C19orf25: variants seen among roughly 807,000 people sequenced by gnomAD.
C19orf25 encodes the protein chromosome 19 open reading frame 25.
In C19orf25, 1 loss-of-function variant was observed where a neutral mutation model predicts 3.1. The observed-to-expected ratio is 0.32, with a 90% CI of 0.12 to 1.54. The LOEUF is 1.54. C19orf25 is among the 40% of genes most tolerant of loss of function. The probability of loss-of-function intolerance (pLI) is 0.38; values close to 1 mark genes in which losing one functional copy is unlikely to be tolerated. For missense variants in C19orf25, 196 were observed against 160.4 expected (o/e 1.22, Z -1.20); for synonymous variants, 91 against 74.3 (o/e 1.23, Z -1.16).
intron 1 of C19orf25, 107 bp downstream of exon 1, chr19:1,479,056 C>T (rs974432171): frequency 7.6e-6 from 10 of 1,312,120 alleles, no homozygotes; most frequent in Non-Finnish European, 9.9e-6. Flanking sequence ...TCGCCCCAGG[C>T]CCTGACCCTC....
rs1568192724 is a variant in C19orf25 at position 1,475,215 on chromosome 19, CG to C, written c.173del (p.Pro58ArgfsTer26). ...PFRMMEDAEA[P>X]GEQLYQQSRA... ...GGCTTTGCTGGTAGAGCTGCTCTCC[CG>C]GGGCCTCCGCATCCTCCATCATCCT... On this transcript the variant is annotated frameshift_variant, in exon 3 of 3. Coordinates refer to ENST00000585675, the MANE Select transcript of C19orf25 (RefSeq NM_152482.3). LOFTEE classifies it low-confidence loss of function (END_TRUNC). The C allele has an allele frequency of 6.4e-7, 1 of 1,562,438 alleles. No homozygotes were observed. The highest frequency in any genetic ancestry group is 8.7e-7 in the Non-Finnish European group (1 of 1,154,366).
chr19:1,476,422 T>C (rs929122947), intron 2 of C19orf25: 16 of 396,660 alleles, frequency 4.0e-5, no homozygotes, highest in East Asian at 2.9e-4. Context: ...TCAACGGCCA[T>C]GGACCTGAGC....
intron 2 of C19orf25, chr19:1,476,315 G>C (rs1487812111): frequency 2.5e-6 from 1 of 398,638 alleles, no homozygotes. Flanking sequence ...AACAGGGTGG[G>C]AAAGGCCGGG....
chr19:1,477,042 C>T (rs2084212504), intron 2 of C19orf25, among the ~76,000 whole-genome samples: 1 of 151,208 alleles, frequency 6.6e-6, no homozygotes, highest in South Asian at 2.1e-4. Context: ...CTCTGTCACC[C>T]AGGCTGGAGT....
At chr19:1,475,380 C>G (rs2145286403) in intron 2 of C19orf25, 122 bp from the exon 3 acceptor site, 1 of 1,008,728 alleles carries the variant, frequency 9.9e-7, no homozygotes, top group African/African-American at 1.6e-5. Context: ...CAGCCGGGGT[C>G]TTCTTAACAT....
chr19:1,477,771 A>C (rs912672133), intron 2 of C19orf25, among the ~76,000 whole-genome samples: 1 of 152,334 alleles, frequency 6.6e-6, no homozygotes, highest in African/African-American at 2.4e-5. Context: ...CCTTAAAAAA[A>C]CAGCCAGGGG....
intron 2 of C19orf25, chr19:1,478,429 G>C (rs1265053213): frequency 9.9e-6 from 5 of 504,710 alleles, no homozygotes; most frequent in South Asian, 1.3e-4. Flanking sequence ...TTTTGTTTTT[G>C]TTTTTGTTTT....
rs555102954 is a variant in C19orf25, at chr19:1,474,755, C to T, written c.*277G>A. ...GCAGAGCACGGCCACTGTGAGCTGA[C>T]GACAGAATCACAGTACAGCAATAAT... On this transcript the variant is annotated 3_prime_UTR_variant, in exon 3 of 3. Transcript: ENST00000585675. 27 of 1,413,892 alleles carry T rather than the reference C, an allele frequency of 1.9e-5. No homozygotes were observed. The highest frequency in any genetic ancestry group is 2.9e-5 in the African/African-American group (2 of 69,230). 87.6% of individuals were successfully genotyped at this position (1,413,892 alleles called of 1,614,324 possible).
At chr19:1,475,395 G>T in intron 2 of C19orf25, 137 bp from the exon 3 acceptor site, 1 of 852,160 alleles carries the variant, frequency 1.2e-6, no homozygotes, top group Admixed American at 2.9e-5. Context: ...TAACATGACG[G>T]ATGCAGCCAG....
chr19:1,475,556 G>A (rs1397096488), intron 2 of C19orf25: 5 of 374,604 alleles, frequency 1.3e-5, no homozygotes, highest in Non-Finnish European at 2.5e-5. Flanking sequence ...GGGCGTGGTA[G>A]CACGCATCTG....
chr19:1,475,467 G>C (rs1036288838), intron 2 of C19orf25: 4 of 575,130 alleles, frequency 7.0e-6, no homozygotes, highest in Non-Finnish European at 9.3e-6. Flanking sequence ...GAACACTTGA[G>C]CCCAAGAGTT....
intron 2 of C19orf25, among the ~76,000 whole-genome samples, chr19:1,478,107 T>C (rs1368760250): frequency 6.6e-6 from 1 of 152,198 alleles, no homozygotes; most frequent in African/African-American, 2.4e-5. Flanking sequence ...CCCAAAGTGC[T>C]GGGATTATAG....
At chr19:1,475,665 G>A (rs903166398) in intron 2 of C19orf25, 2 of 190,394 alleles carry the variant, frequency 1.1e-5, no homozygotes, top group Non-Finnish European at 1.1e-5. Flanking sequence ...CTCCAGCCTG[G>A]GTGACAGAAT....
Position 1,474,708 on chromosome 19 carries a change from A to G in C19orf25, c.*324T>C, listed in dbSNP as rs2084184679. On this transcript the variant is annotated 3_prime_UTR_variant, in exon 3 of 3. Coordinates refer to ENST00000585675, the MANE Select transcript of C19orf25 (RefSeq NM_152482.3). ...TGCCCCGGGAGAGGAAGGAGGTGGC[A>G]CCTGCTCCCAGGGGCCCCACTGCAG... 2.6e-6 allele frequency: 3 copies of G among 1,148,094 alleles called. No homozygotes were observed. The highest frequency in any genetic ancestry group is 3.5e-6 in the Non-Finnish European group (3 of 846,700). The allele number at this position is 1,148,094 out of a possible 1,614,324, so 71.1% of individuals were successfully genotyped here. A position where few individuals can be genotyped will look rare whatever the true frequency, so the allele number is the denominator to read the frequency against.
chr19:1,475,224 C>A lies in C19orf25; in HGVS notation c.165G>T (p.Ala55=). 1 of 1,560,592 alleles carries A rather than the reference C, an allele frequency of 6.4e-7. No individual in the cohort carries two copies. The highest frequency in any genetic ancestry group is 2.4e-5 in the East Asian group (1 of 41,598). ...GGTAGAGCTGCTCTCCCGGGGCCTC[C>A]GCATCCTCCATCATCCTGAAGGGAA... ...PPVPFRMMED[A]EAPGEQLYQQ... Residue 55 remains alanine (A), a synonymous_variant, in exon 3 of 3, where the codon GCG becomes GCT. Transcript: ENST00000585675.
In C19orf25 at chr19:1,478,760, C is replaced by T. The variant is rs1308571871; in HGVS notation, c.130+14G>A. ...TCTCAGGTCCGCTTTTCCCCGGGACCGGGCTCCCCCTACCTTCCGGGGCCA... is the reference window on the plus strand; with the variant it reads ...TCTCAGGTCCGCTTTTCCCCGGGACTGGGCTCCCCCTACCTTCCGGGGCCA... On this transcript the variant is annotated intron_variant, in intron 2 of 2. Transcript: ENST00000585675. The T allele has an allele frequency of 2.6e-6, 4 of 1,556,288 alleles. No homozygotes were observed. The highest frequency in any genetic ancestry group is 1.2e-5 in the South Asian group (1 of 84,654).
In C19orf25 at chr19:1,474,147, C is replaced by G. The variant is rs2145283511; in HGVS notation, c.*885G>C. On this transcript the variant is annotated 3_prime_UTR_variant, in exon 3 of 3. Transcript: ENST00000585675. ...TCCGGGGCCCCGGGACGGAGCCGCT[C>G]ACAGAGGCACCATTCAGACGGCCAG... 6.6e-6 allele frequency: 1 copy of G among 152,352 alleles called. No individual in the cohort carries two copies. Among genetic ancestry groups the G allele is most frequent in the East Asian group, 1.9e-4 (1 of 5,160 alleles). The allele number at this position is 152,352 out of a possible 1,614,324, so 9.4% of individuals were successfully genotyped here. A position where few individuals can be genotyped will look rare whatever the true frequency, so the allele number is the denominator to read the frequency against.
chr19:1,478,384 G>A (rs890082785), intron 2 of C19orf25: 4 of 376,846 alleles, frequency 1.1e-5, no homozygotes, highest in Non-Finnish European at 1.9e-5. Flanking sequence ...GAGATTACAG[G>A]CGCCTGCCAC....
Position 1,474,722 on chromosome 19 carries a change from G to A in C19orf25, c.*310C>T. Reference sequence around the variant, plus strand: ...AAGGAGGTGGCACCTGCTCCCAGGGGCCCCACTGCAGAGCACGGCCACTGT... The same window carrying A: ...AAGGAGGTGGCACCTGCTCCCAGGGACCCCACTGCAGAGCACGGCCACTGT... On this transcript the variant is annotated 3_prime_UTR_variant, in exon 3 of 3. Coordinates refer to ENST00000585675, the MANE Select transcript of C19orf25 (RefSeq NM_152482.3). 1.5e-6 allele frequency: 2 copies of A among 1,316,578 alleles called. No homozygotes were observed. Among genetic ancestry groups the A allele is most frequent in the Middle Eastern group, 2.5e-4 (1 of 3,956 alleles). 81.6% of individuals were successfully genotyped at this position (1,316,578 alleles called of 1,614,324 possible).
Sources: gnomAD v4.1 joint callset for allele counts (sites outside exome capture counted in the v4.1 genomes callset) on GRCh38, gnomAD v4.1.1 for gene constraint, MANE v1.5 for transcripts, NCBI Gene and HGNC (gene_info 2026-07-23, HGNC 2026-07-21) for gene names.